Variants in SECISBP2 observed in about 807,000 individuals in gnomAD.
SECISBP2 encodes SECIS binding protein 2.
In SECISBP2, 96 loss-of-function variants were observed where a neutral mutation model predicts 98.2. The ratio of observed to expected loss-of-function variants is 0.98; its 90% confidence interval spans 0.83 to 1.16. The LOEUF is 1.16. Among genes scored for constraint, SECISBP2 ranks in the 50% most tolerant of loss-of-function variants. SECISBP2 has a pLI of 0.00. For synonymous variants in SECISBP2, 407 were observed against 370.2 expected (o/e 1.10, Z -1.14); for missense variants, 1,046 against 1,022.9 (o/e 1.02, Z -0.31).
Position 89,350,638 on chromosome 9 carries a change from C to T in SECISBP2, c.1899C>T (p.Cys633=), listed in dbSNP as rs1341527816. 1 of 1,613,744 alleles carries T rather than the reference C, an allele frequency of 6.2e-7. No homozygotes were observed. Among genetic ancestry groups the T allele is most frequent in the Non-Finnish European group, 8.5e-7 (1 of 1,179,774 alleles). Residue 633 remains cysteine (C), a synonymous_variant, in exon 14 of 17, where the codon TGC becomes TGT. Transcript: ENST00000375807. ...KIHSRRFRDY[C]SQMLSKEVDA... The stretch of plus-strand genomic sequence containing the variant: ...TGTCTGATGTTTCTTTCAGTTACTG[C>T]AGCCAGATGCTTAGTAAAGAAGTGG...
chr9:89,339,817 C>T, intron 8 of SECISBP2, 47 bp from the exon 9 acceptor site: 1 of 1,285,294 alleles, frequency 7.8e-7, no homozygotes, highest in Non-Finnish European at 1.1e-6. Flanking sequence ...TTGCACTTGG[C>T]ATGTTTGCAT....
At chr9:89,345,952 A>G (rs577049521) in intron 10 of SECISBP2, among the ~76,000 whole-genome samples, 1 of 152,380 alleles carries the variant, frequency 6.6e-6, no homozygotes, top group South Asian at 2.1e-4. Flanking sequence ...TGACCTGTGC[A>G]GGTTACGTTC....
Position 89,318,900 on chromosome 9 carries a change from G to C in SECISBP2, c.36+288G>C, listed in dbSNP as rs780988736. The C allele has an allele frequency of 5.7e-6, 7 of 1,237,098 alleles. No homozygotes were observed. In the South Asian group the frequency reaches 1.9e-4, roughly 34 times the overall value. The allele number at this position is 1,237,098 out of a possible 1,614,324, so 76.6% of individuals were successfully genotyped here. On this transcript the variant is annotated intron_variant, in intron 1 of 16. Coordinates refer to ENST00000375807, the MANE Select transcript of SECISBP2 (RefSeq NM_024077.5). ...GCCCGGCGCTCCCCGCAGTCGGGGC[G>C]GGGGGACTCTGGCGAGCTTCCCGCG...
intron 14 of SECISBP2, chr9:89,355,267 G>A (rs889035860): frequency 2.0e-6 from 2 of 985,316 alleles, no homozygotes; most frequent in Admixed American, 1.2e-4. Context: ...CGTAAAGACT[G>A]GGTGAGTATC....
At chr9:89,346,832 G>A in intron 10 of SECISBP2, 50 bp from the exon 11 acceptor site, 1 of 1,611,228 alleles carries the variant, frequency 6.2e-7, no homozygotes, top group Non-Finnish European at 8.5e-7. Context: ...CAAGAGCTGG[G>A]TGGGGCATCT....
chr9:89,342,622 A>G (rs184688907), intron 10 of SECISBP2, among the ~76,000 whole-genome samples: 105 of 152,396 alleles, frequency 6.9e-4, no homozygotes, highest in Non-Finnish European at 1.4e-3. Flanking sequence ...ATGATACAAC[A>G]TGAAAGAAAC....
chr9:89,359,965 T>C (rs190025348), downstream of SECISBP2, among the ~76,000 whole-genome samples: 250 of 152,316 alleles, frequency 1.6e-3, 1 homozygote, highest in African/African-American at 5.5e-3. Context: ...TTGAATTCAG[T>C]CTTGGCAATA....
intron 4 of SECISBP2, among the ~76,000 whole-genome samples, chr9:89,326,340 C>A (rs998807362): frequency 1.3e-5 from 2 of 152,180 alleles, no homozygotes; most frequent in African/African-American, 4.8e-5. Flanking sequence ...CCATCTGGTA[C>A]AAGGGACGTT....
In SECISBP2 at chr9:89,318,505, C is replaced by T. The variant is rs769661931; in HGVS notation, c.-72C>T. On this transcript the variant is annotated 5_prime_UTR_variant, in exon 1 of 17. In the 5' UTR this introduces an upstream ATG that the reference lacks. Transcript: ENST00000375807. ...CTGGCGTCGCCTGCGGGGGCGGAAA[C>T]GCTTTGTCTGTCCGGCAAGCCGACG... 2.7e-5 allele frequency: 40 copies of T among 1,459,904 alleles called. No homozygotes were observed. In the South Asian group the frequency reaches 4.1e-4, roughly 15 times the overall value. The allele number at this position is 1,459,904 out of a possible 1,614,324, so 90.4% of individuals were successfully genotyped here.
At chr9:89,366,269 C>T in the SECISBP2 span, among the ~76,000 whole-genome samples, 1 of 152,188 alleles carries the variant, frequency 6.6e-6, no homozygotes, top group African/African-American at 2.4e-5. Flanking sequence ...TGGTAACTAC[C>T]TCTGGATGGT....
chr9:89,343,664 C>T (rs186179050), intron 10 of SECISBP2, among the ~76,000 whole-genome samples: 10 of 152,318 alleles, frequency 6.6e-5, no homozygotes, highest in East Asian at 1.9e-4. Flanking sequence ...CTACAAAGGA[C>T]GTGGTCTCAT....
chr9:89,343,506 C>T lies in SECISBP2; in HGVS notation c.1435+2027C>T, dbSNP rs376920246. The stretch of plus-strand genomic sequence containing the variant: ...TTCTGATATTCTCCTTCCTCCCACC[C>T]TCAAGTAGGCCCCAGTGTCTGTTGT... On this transcript the variant is annotated intron_variant, in intron 10 of 16. Transcript: ENST00000375807. Among the ~76,000 whole-genome samples the T allele has an allele frequency of 8.5e-5, 13 of 152,158 alleles. No homozygotes were observed. In the East Asian group the frequency reaches 1.9e-3, roughly 23 times the overall value.
At position 89,358,154 on chromosome 9, in the gene SECISBP2, C is replaced by G; in HGVS notation, c.2424C>G (p.Gly808=). 9.9e-6 allele frequency: 16 copies of G among 1,613,406 alleles called. No homozygotes were observed. Among genetic ancestry groups the G allele is most frequent in the Non-Finnish European group, 1.2e-5 (14 of 1,179,756 alleles). The stretch of plus-strand genomic sequence containing the variant: ...GCCCCAGCTGCCCTGCAGAAGATGG[C>G]CCCCCAGCCCTGAAAGAAAAAGAAG... ...TQGPSCPAED[G]PPALKEKEEP... The change falls in exon 16 of 17, where the codon GGC becomes GGG. Residue 808 remains glycine (G), a synonymous_variant. Coordinates refer to ENST00000375807, the MANE Select transcript of SECISBP2 (RefSeq NM_024077.5).
intron 13 of SECISBP2, 94 bp from the exon 14 acceptor site, chr9:89,350,538 G>A: frequency 9.3e-7 from 1 of 1,072,370 alleles, no homozygotes; most frequent in East Asian, 2.4e-5. Context: ...TTTGTCTGAT[G>A]CAGTCTACGT....
At chr9:89,365,083 A>G in the SECISBP2 span, 1 of 152,286 alleles carries the variant, frequency 6.6e-6, no homozygotes, top group Non-Finnish European at 1.5e-5. Flanking sequence ...TTACTGAAGG[A>G]AAAACAAGCA....
rs1829963633 is a variant in SECISBP2 at position 89,343,452 on chromosome 9, T to C, written c.1435+1973T>C. Reference sequence around the variant, plus strand: ...TGTACAGATTATTTTGTCACGCAGGTACTAAGCCTGGTAACCAATAGTTAT... The same window carrying C: ...TGTACAGATTATTTTGTCACGCAGGCACTAAGCCTGGTAACCAATAGTTAT... On this transcript the variant is annotated intron_variant, in intron 10 of 16. Transcript: ENST00000375807. Among the ~76,000 whole-genome samples the C allele has an allele frequency of 2.0e-5, 3 of 152,184 alleles. No individual in the cohort carries two copies. In the South Asian group the frequency reaches 6.2e-4, roughly 32 times the overall value.
At chr9:89,326,462 A>G (rs1340729250) in intron 4 of SECISBP2, among the ~76,000 whole-genome samples, 3 of 152,214 alleles carry the variant, frequency 2.0e-5, no homozygotes, top group African/African-American at 7.2e-5. Flanking sequence ...TATGCGTTTT[A>G]TGCTACCTGC....
chr9:89,360,040 A>C (rs1832644864), downstream of SECISBP2, among the ~76,000 whole-genome samples: 1 of 152,238 alleles, frequency 6.6e-6, no homozygotes, highest in Admixed American at 6.5e-5. Flanking sequence ...CAGAAATGAC[A>C]TGCTATGAGC....
At chr9:89,362,313 G>T, downstream of SECISBP2, 13 of 1,610,412 alleles carry the variant, frequency 8.1e-6, no homozygotes, top group Non-Finnish European at 1.1e-5. Context: ...CAGTTGTGGG[G>T]GACCAGGCCT....
Sources: gnomAD v4.1 joint callset for allele counts (sites outside exome capture counted in the v4.1 genomes callset) on GRCh38, gnomAD v4.1.1 for gene constraint, MANE v1.5 for transcripts, NCBI Gene and HGNC (gene_info 2026-07-23, HGNC 2026-07-21) for gene names.